GNG7: variants seen among roughly 807,000 people sequenced by gnomAD.
GNG7 encodes the protein guanine nucleotide-binding protein G(I)/G(S)/G(O) subunit gamma-7.
In GNG7, 1 loss-of-function variant was observed where a neutral mutation model predicts 4.0. The observed-to-expected ratio is 0.25, with a 90% CI of 0.09 to 1.18. The LOEUF (loss-of-function observed/expected upper bound fraction) is 1.18. GNG7 is among the 50% of genes most tolerant of loss of function. The probability of loss-of-function intolerance (pLI) is 0.50; values close to 1 mark genes in which losing one functional copy is unlikely to be tolerated. For synonymous variants in GNG7, 34 were observed against 36.9 expected (o/e 0.92, Z 0.29); for missense variants, 86 against 91.9 (o/e 0.94, Z 0.26).
At chr19:2,690,290 G>C (rs1253970780) in intron 1 of GNG7, among the ~76,000 whole-genome samples, 1 of 152,098 alleles carries the variant, frequency 6.6e-6, no homozygotes, top group African/African-American at 2.4e-5. Context: ...GCTGAGGCAG[G>C]AGAATGGCCT....
At chr19:2,567,123 CAAAAAAAACAA>C (rs1319797554) in intron 2 of GNG7, among the ~76,000 whole-genome samples, 9 of 39,824 alleles carry the variant, frequency 2.3e-4, no homozygotes, top group South Asian at 7.5e-4. Context: ...AAAAAAAAAA[CAAAAAAAACAA>C]AAAAAAAACA....
At chr19:2,524,473 T>C (rs1486924224) in intron 3 of GNG7, among the ~76,000 whole-genome samples, 4 of 152,190 alleles carry the variant, frequency 2.6e-5, no homozygotes, top group African/African-American at 9.7e-5. Flanking sequence ...CGTGTGCATG[T>C]ATGTGTGTAT....
chr19:2,624,849 G>A (rs1274550662), intron 2 of GNG7, among the ~76,000 whole-genome samples: 1 of 152,264 alleles, frequency 6.6e-6, no homozygotes, highest in African/African-American at 2.4e-5. Flanking sequence ...AGGCTCCAGG[G>A]TGTTTACTGA....
intron 1 of GNG7, among the ~76,000 whole-genome samples, chr19:2,681,050 T>C (rs971663683): frequency 1.3e-5 from 2 of 152,174 alleles, no homozygotes; most frequent in African/African-American, 4.8e-5. Flanking sequence ...ACGCGGAGCA[T>C]GTTTTGAAGT....
rs1979606189 is a variant in GNG7 at position 2,557,593 on chromosome 19, G to A, written c.-77-2405C>T. Reference sequence around the variant, plus strand: ...TCAGGACCGTGATAGAGAAAGACGGGAAGTTAGACTTCTGACCCATCACAA... The same window carrying A: ...TCAGGACCGTGATAGAGAAAGACGGAAAGTTAGACTTCTGACCCATCACAA... On this transcript the variant is annotated intron_variant, in intron 2 of 4. Transcript: ENST00000382159. The surrounding 1 kb of genome is among the most constrained non-coding windows in gnomAD (Gnocchi z 5.1). Among the ~76,000 whole-genome samples, 1 of 148,606 alleles carries A rather than the reference G, an allele frequency of 6.7e-6. No homozygotes were observed.
intron 1 of GNG7, among the ~76,000 whole-genome samples, chr19:2,658,836 G>C (rs563707481): frequency 1.3e-5 from 2 of 152,266 alleles, no homozygotes; most frequent in East Asian, 3.9e-4. Context: ...GTACCTTTTC[G>C]GGGAGAGGAG....
intron 2 of GNG7, among the ~76,000 whole-genome samples, chr19:2,640,196 G>T (rs767235816): frequency 4.8e-5 from 7 of 146,608 alleles, no homozygotes; most frequent in Non-Finnish European, 1.1e-4. Flanking sequence ...GAGAGAGAAG[G>T]GGGAGAGGGA....
intron 1 of GNG7, among the ~76,000 whole-genome samples, chr19:2,662,566 G>A (rs1376481129): frequency 6.6e-6 from 1 of 152,148 alleles, no homozygotes; most frequent in Admixed American, 6.5e-5. Flanking sequence ...ACATTTACTG[G>A]TTTAATATAA....
chr19:2,567,123 C>A (rs868515356), intron 2 of GNG7, among the ~76,000 whole-genome samples: 28 of 39,794 alleles, frequency 7.0e-4, no homozygotes, highest in African/African-American at 1.5e-3. Flanking sequence ...AAAAAAAAAA[C>A]AAAAAAAACA....
rs1489678825 is a variant in GNG7 at position 2,653,329 on chromosome 19, C to G, written c.-134-7049G>C. ...CCTGGGGATTTGCAACAGACAAACACAGAGCTGGGAAATTCCGCAGCAGGG... is the reference window on the plus strand; with the variant it reads ...CCTGGGGATTTGCAACAGACAAACAGAGAGCTGGGAAATTCCGCAGCAGGG... On this transcript the variant is annotated intron_variant, in intron 1 of 4. Coordinates refer to ENST00000382159, the MANE Select transcript of GNG7 (RefSeq NM_052847.3). This position sits in a 1 kb window ranked among gnomAD's most constrained non-coding sequence, Gnocchi z 4.8. 4.6e-5 allele frequency among the ~76,000 whole-genome samples: 7 copies of G among 152,164 alleles called. No individual in the cohort carries two copies. Among genetic ancestry groups the G allele is most frequent in the Non-Finnish European group, 8.8e-5 (6 of 68,030 alleles).
chr19:2,635,080 G>A (rs142307825), intron 2 of GNG7, among the ~76,000 whole-genome samples: 4 of 152,194 alleles, frequency 2.6e-5, no homozygotes, highest in South Asian at 2.1e-4. Flanking sequence ...GGGTGGGGTC[G>A]TCCTGGGCAC....
chr19:2,551,780 C>G (rs1279224426), intron 3 of GNG7, among the ~76,000 whole-genome samples: 1 of 151,888 alleles, frequency 6.6e-6, no homozygotes, highest in African/African-American at 2.4e-5. Context: ...GCCTCCCGGG[C>G]TCAAGTGAGT....
intron 2 of GNG7, among the ~76,000 whole-genome samples, chr19:2,560,679 G>A (rs1242390523): frequency 6.6e-6 from 1 of 152,088 alleles, no homozygotes; most frequent in Non-Finnish European, 1.5e-5. Flanking sequence ...GAAAAAAGCT[G>A]GGCGCGGTGG....
intron 2 of GNG7, among the ~76,000 whole-genome samples, chr19:2,567,166 T>C (rs942051908): frequency 6.9e-6 from 1 of 145,310 alleles, no homozygotes. Context: ...ACAAAAACAA[T>C]AACAAAAAAC....
intron 1 of GNG7, among the ~76,000 whole-genome samples, chr19:2,696,193 A>G (rs542948931): frequency 8.4e-4 from 104 of 123,626 alleles, no homozygotes; most frequent in African/African-American, 2.8e-3. Flanking sequence ...GAGGAGAGAG[A>G]GGGGAGAGAG....
intron 2 of GNG7, among the ~76,000 whole-genome samples, chr19:2,620,931 C>T (rs1280797717): frequency 6.6e-6 from 1 of 152,150 alleles, no homozygotes; most frequent in Non-Finnish European, 1.5e-5. Flanking sequence ...CTTCCAGTTT[C>T]ATTTATAAAA....
intron 1 of GNG7, among the ~76,000 whole-genome samples, chr19:2,677,598 C>A (rs7258352): frequency 6.6e-6 from 1 of 151,802 alleles, no homozygotes; most frequent in African/African-American, 2.4e-5. Context: ...CCAGCTCCTG[C>A]GATTCTCCTC....
rs115306070 is a variant in GNG7, at chr19:2,670,544, C to G, written c.-134-24264G>C. Among the ~76,000 whole-genome samples, 504 of 152,362 alleles carry G rather than the reference C, an allele frequency of 3.3e-3. 2 individuals carry two copies. Among genetic ancestry groups the G allele is most frequent in the African/African-American group, 0.011 (463 of 41,574 alleles). ...CCCATGTGGCTTGTTTTCCCAGACC[C>G]TGAGCTGCCTCGGGCATGGCTGTGT... On this transcript the variant is annotated intron_variant, in intron 1 of 4. Coordinates refer to ENST00000382159, the MANE Select transcript of GNG7 (RefSeq NM_052847.3).
chr19:2,532,121 A>G (rs975559116), intron 3 of GNG7, among the ~76,000 whole-genome samples: 4 of 149,804 alleles, frequency 2.7e-5, no homozygotes, highest in African/African-American at 9.8e-5. Flanking sequence ...ACTGCACTGC[A>G]GCCTGGGCAA....
Sources: gnomAD v4.1 joint callset for allele counts (sites outside exome capture counted in the v4.1 genomes callset) on GRCh38, gnomAD v4.1.1 for gene constraint, Gnocchi (gnomAD v3.1) non-coding constraint, MANE v1.5 for transcripts, NCBI Gene and HGNC (gene_info 2026-07-23, HGNC 2026-07-21) for gene names.